The following TMEM163 variants were observed in gnomAD, a reference collection of about 807,000 sequenced individuals.
TMEM163 encodes transmembrane protein 163.
In TMEM163, 17 loss-of-function variants were observed where a neutral mutation model predicts 29.3. The observed-to-expected ratio is 0.58, with a 90% CI of 0.40 to 0.87. The LOEUF is 0.87. Ranked by LOEUF, TMEM163 falls within the 40% of genes least tolerant of loss-of-function variation. The pLI is 0.00. For missense variants in TMEM163, 303 were observed against 381.5 expected, an observed-to-expected ratio of 0.79 and a Z score of 1.71; for synonymous variants, 157 against 160.6, an observed-to-expected ratio of 0.98 and a Z score of 0.17.
At chr2:134,502,344 T>C (rs1483006619) in intron 5 of TMEM163, among the ~76,000 whole-genome samples, 1 of 152,032 alleles carries the variant, frequency 6.6e-6, no homozygotes, top group South Asian at 2.1e-4. Context: ...TCAGCACTCA[T>C]AAGGGGAGGG....
chr2:134,597,984 G>A (rs1458359879), intron 2 of TMEM163, among the ~76,000 whole-genome samples: 2 of 152,020 alleles, frequency 1.3e-5, no homozygotes, highest in Admixed American at 1.3e-4. Flanking sequence ...TTTTTATTGT[G>A]TCTATTTGAT....
intron 2 of TMEM163, among the ~76,000 whole-genome samples, chr2:134,582,792 G>A (rs1388170723): frequency 6.6e-6 from 1 of 152,164 alleles, no homozygotes; most frequent in Admixed American, 6.5e-5. Context: ...AGAGGAAGTG[G>A]TGATATCTCA....
chr2:134,625,146 G>A (rs1682819473), intron 2 of TMEM163, among the ~76,000 whole-genome samples: 2 of 152,266 alleles, frequency 1.3e-5, no homozygotes, highest in South Asian at 2.1e-4. Flanking sequence ...GAGAGAGAAA[G>A]AGAGAATGTA....
At chr2:134,548,134 C>G (rs1680831823) in intron 4 of TMEM163, among the ~76,000 whole-genome samples, 1 of 152,148 alleles carries the variant, frequency 6.6e-6, no homozygotes, top group Non-Finnish European at 1.5e-5. Flanking sequence ...GAGGGAAAAA[C>G]TTTCTCCTTT....
At chr2:134,524,023 C>A (rs1415375463) in intron 4 of TMEM163, among the ~76,000 whole-genome samples, 1 of 152,166 alleles carries the variant, frequency 6.6e-6, no homozygotes, top group Non-Finnish European at 1.5e-5. Context: ...GACTGAGAAA[C>A]CCTGTTCTAC....
intron 2 of TMEM163, among the ~76,000 whole-genome samples, chr2:134,674,831 TCTACCC>T (rs1558987590): frequency 6.6e-6 from 1 of 152,194 alleles, no homozygotes; most frequent in Non-Finnish European, 1.5e-5. Context: ...TGCAAGGACA[TCTACCC>T]AGCAACTGCC....
In TMEM163 at chr2:134,481,595, C is replaced by T. The variant is rs625519; in HGVS notation, c.556-15370G>A. 1.7e-4 allele frequency among the ~76,000 whole-genome samples: 26 copies of T among 151,904 alleles called. 1 individual carries two copies. Among genetic ancestry groups the T allele is most frequent in the African/African-American group, 7.3e-5 (3 of 41,302 alleles). On this transcript the variant is annotated intron_variant, in intron 5 of 7. Coordinates refer to ENST00000281924, the MANE Select transcript of TMEM163 (RefSeq NM_030923.5). ...TTTTCCTTGTAAATTACCCAGTCTC[C>T]GGTATGTCTTTATCAGCAGCGTGAA... is the stretch of plus-strand genomic sequence containing the variant.
Position 134,691,515 on chromosome 2 carries a change from C to T in TMEM163, c.322+21685G>A, listed in dbSNP as rs74798658. On this transcript the variant is annotated intron_variant, in intron 2 of 7. Coordinates refer to ENST00000281924, the MANE Select transcript of TMEM163 (RefSeq NM_030923.5). Reference sequence around the variant, plus strand: ...TGTTATTCATTGTATTTCCAAACAACTCTATTGTAAATACACACACACGTG... The same window carrying T: ...TGTTATTCATTGTATTTCCAAACAATTCTATTGTAAATACACACACACGTG... Among the ~76,000 whole-genome samples the T allele has an allele frequency of 6.6e-3, 1,006 of 152,316 alleles. 12 individuals carry two copies. The highest frequency in any genetic ancestry group is 0.023 in the African/African-American group (953 of 41,576).
chr2:134,618,468 T>C (rs1426960495), intron 2 of TMEM163, among the ~76,000 whole-genome samples: 1 of 152,176 alleles, frequency 6.6e-6, no homozygotes, highest in Non-Finnish European at 1.5e-5. Flanking sequence ...TTAGAAACTA[T>C]GATTTCCTTT....
At chr2:134,677,243 G>A (rs1477730865) in intron 2 of TMEM163, among the ~76,000 whole-genome samples, 1 of 152,168 alleles carries the variant, frequency 6.6e-6, no homozygotes, top group Non-Finnish European at 1.5e-5. Context: ...GAGCAGTGAG[G>A]CCCGCTGGCC....
chr2:134,664,290 G>A (rs1046691959), intron 2 of TMEM163, among the ~76,000 whole-genome samples: 1 of 152,248 alleles, frequency 6.6e-6, no homozygotes, highest in African/African-American at 2.4e-5. Context: ...AGCTGTGTGA[G>A]CTCAGTGTCA....
At chr2:134,505,049 T>A (rs1679789897) in intron 4 of TMEM163, among the ~76,000 whole-genome samples, 1 of 152,064 alleles carries the variant, frequency 6.6e-6, no homozygotes, top group African/African-American at 2.4e-5. Flanking sequence ...AGAGGTCCCA[T>A]TACAGGAGAA....
At chr2:134,465,673 T>C (rs955787876) in intron 6 of TMEM163, among the ~76,000 whole-genome samples, 1 of 152,240 alleles carries the variant, frequency 6.6e-6, no homozygotes, top group Non-Finnish European at 1.5e-5. Context: ...AGCAGACACC[T>C]GGTAACTGCA....
chr2:134,701,242 A>G (rs551129869), intron 2 of TMEM163, among the ~76,000 whole-genome samples: 1 of 152,338 alleles, frequency 6.6e-6, no homozygotes, highest in East Asian at 1.9e-4. Flanking sequence ...AAAGGCAACA[A>G]AAACAATTTT....
chr2:134,714,605 T>C (rs992878181), intron 1 of TMEM163, among the ~76,000 whole-genome samples: 6 of 152,158 alleles, frequency 3.9e-5, no homozygotes, highest in East Asian at 1.9e-4. Flanking sequence ...CAAGCCAGAA[T>C]GTCAAGAAGG....
Position 134,460,986 on chromosome 2 carries a change from C to A in TMEM163, c.668-2813G>T, listed in dbSNP as rs1254274490. Among the ~76,000 whole-genome samples, 1 of 152,188 alleles carries A rather than the reference C, an allele frequency of 6.6e-6. No individual in the cohort carries two copies. Among genetic ancestry groups the A allele is most frequent in the African/African-American group, 2.4e-5 (1 of 41,444 alleles). On this transcript the variant is annotated intron_variant, in intron 6 of 7. Coordinates refer to ENST00000281924, the MANE Select transcript of TMEM163 (RefSeq NM_030923.5). This position sits in a 1 kb window ranked among gnomAD's most constrained non-coding sequence, Gnocchi z 4.3. ...GATCAAGCACACAGGGACTAGGGACCGAGTCAGTGGCCACCTGCCACTTTG... is the reference window on the plus strand; with the variant it reads ...GATCAAGCACACAGGGACTAGGGACAGAGTCAGTGGCCACCTGCCACTTTG...
chr2:134,523,954 T>C (rs1479706233), intron 4 of TMEM163, among the ~76,000 whole-genome samples: 1 of 152,138 alleles, frequency 6.6e-6, no homozygotes, highest in Non-Finnish European at 1.5e-5. Context: ...AGGGATGCTT[T>C]TAAACATTCT....
chr2:134,605,192 A>C (rs1682325700), intron 2 of TMEM163, among the ~76,000 whole-genome samples: 1 of 151,904 alleles, frequency 6.6e-6, no homozygotes, highest in South Asian at 2.1e-4. Context: ...AAAAAAAAAA[A>C]AAAACCACAA....
intron 2 of TMEM163, among the ~76,000 whole-genome samples, chr2:134,708,349 G>T (rs575511686): frequency 6.6e-6 from 1 of 152,212 alleles, no homozygotes; most frequent in African/African-American, 2.4e-5. Context: ...CAGAAGAATC[G>T]TGCAATTTCA....
Sources: gnomAD v4.1 joint callset for allele counts (sites outside exome capture counted in the v4.1 genomes callset) on GRCh38, gnomAD v4.1.1 for gene constraint, Gnocchi (gnomAD v3.1) non-coding constraint, MANE v1.5 for transcripts, NCBI Gene and HGNC (gene_info 2026-07-23, HGNC 2026-07-21) for gene names.